Variants in GRIN2B observed in about 807,000 individuals in gnomAD.
GRIN2B encodes the protein glutamate ionotropic receptor NMDA type subunit 2B, also known as glutamate receptor ionotropic, NMDA 2B.
GRIN2B carries 5 observed loss-of-function variants against 114.5 expected under a neutral mutation model. That is an observed-to-expected ratio of 0.04 (90% CI 0.02 to 0.09). The LOEUF (loss-of-function observed/expected upper bound fraction) is 0.09, where lower values mean the gene tolerates loss of function less well. GRIN2B is among the 10% of genes least tolerant of loss of function. The pLI, the probability that GRIN2B is intolerant of heterozygous loss-of-function variation, is 1.00. For missense variants in GRIN2B, 1,108 were observed against 1,943.5 expected (o/e 0.57, Z 8.08); for synonymous variants, 787 against 745.1 (o/e 1.06, Z -0.92).
At chr12:13,764,694 C>T (rs1863746728) in intron 3 of GRIN2B, among the ~76,000 whole-genome samples, 2 of 152,196 alleles carry the variant, frequency 1.3e-5, no homozygotes, top group African/African-American at 4.8e-5. Context: ...TACTTGTTTG[C>T]TTTCAAACCA....
intron 3 of GRIN2B, among the ~76,000 whole-genome samples, chr12:13,829,939 G>A (rs1179944602): frequency 6.6e-6 from 1 of 152,198 alleles, no homozygotes; most frequent in Non-Finnish European, 1.5e-5. Context: ...AAGTGGTAAA[G>A]TGAGCTGGCA....
chr12:13,811,386 C>T (rs144876644), intron 3 of GRIN2B, among the ~76,000 whole-genome samples: 4 of 152,190 alleles, frequency 2.6e-5, no homozygotes, highest in Non-Finnish European at 4.4e-5. Context: ...GAGTTAAAGA[C>T]CAGCATGTGC....
intron 3 of GRIN2B, among the ~76,000 whole-genome samples, chr12:13,791,462 A>AT (rs1399057117): frequency 7.8e-5 from 10 of 128,354 alleles, no homozygotes; most frequent in African/African-American, 2.5e-4. Flanking sequence ...AAAAAAAAAA[A>AT]TAAAAAAAAA....
chr12:13,936,797 G>T (rs1867136944), intron 2 of GRIN2B, among the ~76,000 whole-genome samples: 1 of 151,798 alleles, frequency 6.6e-6, no homozygotes, highest in Non-Finnish European at 1.5e-5. Flanking sequence ...GGTAAATATG[G>T]CCCTAATGAG....
intron 2 of GRIN2B, among the ~76,000 whole-genome samples, chr12:13,924,431 A>T (rs1346207201): frequency 1.3e-5 from 2 of 152,164 alleles, no homozygotes; most frequent in African/African-American, 4.8e-5. Context: ...GGAGCTGCTA[A>T]TAGAACCCAG....
chr12:13,858,618 T>C (rs764023159), intron 3 of GRIN2B, among the ~76,000 whole-genome samples: 1 of 152,224 alleles, frequency 6.6e-6, no homozygotes, highest in Non-Finnish European at 1.5e-5. Flanking sequence ...TGTAACATTT[T>C]ACTACTTCCC....
At chr12:13,947,338 T>A (rs1565596639) in intron 2 of GRIN2B, among the ~76,000 whole-genome samples, 1 of 152,210 alleles carries the variant, frequency 6.6e-6, no homozygotes, top group Non-Finnish European at 1.5e-5. Context: ...GTCCTTGGAT[T>A]ATAGCAATGT....
intron 2 of GRIN2B, among the ~76,000 whole-genome samples, chr12:13,962,275 A>G (rs964360153): frequency 6.6e-6 from 1 of 152,068 alleles, no homozygotes; most frequent in Admixed American, 6.6e-5. Context: ...TTGTCTCCAC[A>G]TCTACTTCAT....
chr12:13,900,155 T>G (rs1866419361), intron 2 of GRIN2B, among the ~76,000 whole-genome samples: 1 of 152,168 alleles, frequency 6.6e-6, no homozygotes, highest in Non-Finnish European at 1.5e-5. Context: ...GCTTCCCTTC[T>G]TCATCATTGT....
At chr12:13,916,735 A>ACACACACAAATGTG (rs59238170) in intron 2 of GRIN2B, among the ~76,000 whole-genome samples, 8 of 101,928 alleles carry the variant, frequency 7.8e-5, no homozygotes, top group Non-Finnish European at 1.3e-4. Context: ...ACACACACAC[A>ACACACACAAATGTG]TTTGTGTGTG....
chr12:13,862,635 C>T (rs1221309536), intron 3 of GRIN2B, among the ~76,000 whole-genome samples: 1 of 151,774 alleles, frequency 6.6e-6, no homozygotes, highest in Non-Finnish European at 1.5e-5. Flanking sequence ...AAAATATGGT[C>T]ATGGTACTTA....
intron 4 of GRIN2B, among the ~76,000 whole-genome samples, chr12:13,711,990 A>G (rs1245407726): frequency 6.6e-6 from 1 of 152,186 alleles, no homozygotes; most frequent in Non-Finnish European, 1.5e-5. Context: ...AATGTCCAAC[A>G]GTGATAGACT....
chr12:13,948,808 G>A (rs990287315), intron 2 of GRIN2B, among the ~76,000 whole-genome samples: 2 of 152,104 alleles, frequency 1.3e-5, no homozygotes, highest in Non-Finnish European at 2.9e-5. Context: ...AAGGTAACTG[G>A]TGACTAATGG....
At chr12:13,858,131 A>G (rs1010412057) in intron 3 of GRIN2B, among the ~76,000 whole-genome samples, 1 of 152,232 alleles carries the variant, frequency 6.6e-6, no homozygotes, top group East Asian at 1.9e-4. Flanking sequence ...CCTTGTCTCT[A>G]AAATAAAGAT....
At chr12:13,756,793 CCACGGGGGT>C (rs1158457632) in intron 3 of GRIN2B, among the ~76,000 whole-genome samples, 9 of 152,094 alleles carry the variant, frequency 5.9e-5, no homozygotes, top group African/African-American at 2.2e-4. Context: ...GGTACAAAAG[CCACGGGGGT>C]CCATAGTAAA....
intron 4 of GRIN2B, among the ~76,000 whole-genome samples, chr12:13,739,374 CAAAAAAAAAAAAAAAA>C (rs34320563): frequency 1.7e-4 from 10 of 59,374 alleles, no homozygotes; most frequent in Middle Eastern, 0.033. Context: ...AACTCCGTCT[CAAAAAAAAAAAAAAAA>C]AAAAAAAAAA....
chr12:13,974,508 G>A (rs184146574), intron 2 of GRIN2B, among the ~76,000 whole-genome samples: 2 of 152,216 alleles, frequency 1.3e-5, no homozygotes, highest in Admixed American at 6.5e-5. Context: ...AAGGAAGAGC[G>A]GGAGGCTTGC....
intron 3 of GRIN2B, among the ~76,000 whole-genome samples, chr12:13,824,367 A>G (rs967204744): frequency 6.6e-6 from 1 of 152,088 alleles, no homozygotes; most frequent in Non-Finnish European, 1.5e-5. Context: ...CTGTCTCTCA[A>G]GGTGTTTGTC....
chr12:13,840,518 T>C (rs1191723669), intron 3 of GRIN2B, among the ~76,000 whole-genome samples: 1 of 152,106 alleles, frequency 6.6e-6, no homozygotes, highest in Non-Finnish European at 1.5e-5. Context: ...TTTTCTTGTA[T>C]ATAAAATGGG....
Sources: gnomAD v4.1 joint callset for allele counts (sites outside exome capture counted in the v4.1 genomes callset) on GRCh38, gnomAD v4.1.1 for gene constraint, MANE v1.5 for transcripts, NCBI Gene and HGNC (gene_info 2026-07-23, HGNC 2026-07-21) for gene names.